Variants in ZDHHC13 observed in about 807,000 individuals in gnomAD.
ZDHHC13 encodes palmitoyltransferase ZDHHC13.
In ZDHHC13, 85 loss-of-function variants were observed where a neutral mutation model predicts 86.0. The observed-to-expected ratio is 0.99, with a 90% CI of 0.83 to 1.18. The LOEUF (loss-of-function observed/expected upper bound fraction) is 1.18, where lower values mean the gene tolerates loss of function less well. ZDHHC13 is among the 50% of genes most tolerant of loss of function. ZDHHC13 has a pLI of 0.00. For synonymous variants in ZDHHC13, 263 were observed against 246.4 expected, an observed-to-expected ratio of 1.07 and a Z score of -0.63; for missense variants, 711 against 730.2, an observed-to-expected ratio of 0.97 and a Z score of 0.30.
In ZDHHC13 at chr11:19,149,242, C is replaced by T. The variant is rs200572666; in HGVS notation, c.430C>T (p.Leu144Phe). The change falls in exon 5 of 17, where the codon CTT becomes TTT. Residue 144 changes from leucine to phenylalanine, a missense_variant. Leu to Phe is a conservative substitution (Grantham distance 22, BLOSUM62 0). Coordinates refer to ENST00000446113, the MANE Select transcript of ZDHHC13 (RefSeq NM_019028.3). ...ACTCCAGCATGGTGCAGACCCCACT[C>T]TTATTGATGGAGAGGGATTCAGCAG... The part of the protein sequence containing the change: ...LLLQHGADPT[L>F]IDGEGFSSIH... The T allele has an allele frequency of 1.2e-6, 2 of 1,605,966 alleles. No individual in the cohort carries two copies. Among genetic ancestry groups the T allele is most frequent in the African/African-American group, 2.7e-5 (2 of 74,840 alleles).
chr11:19,130,423 G>A (rs976116008), intron 1 of ZDHHC13, among the ~76,000 whole-genome samples: 4 of 151,852 alleles, frequency 2.6e-5, no homozygotes, highest in African/African-American at 7.2e-5. Context: ...CCTGATATTC[G>A]TCATTGATAC....
chr11:19,121,496 T>C (rs1359025621), intron 1 of ZDHHC13, among the ~76,000 whole-genome samples: 1 of 152,222 alleles, frequency 6.6e-6, no homozygotes, highest in Non-Finnish European at 1.5e-5. Context: ...ATGAATGTAT[T>C]ATGGAAGGAA....
intron 1 of ZDHHC13, among the ~76,000 whole-genome samples, chr11:19,132,366 T>C (rs1849020350): frequency 6.6e-6 from 1 of 152,218 alleles, no homozygotes; most frequent in Admixed American, 6.5e-5. Flanking sequence ...CTCCACTGAA[T>C]AACCCAAGGG....
intron 1 of ZDHHC13, among the ~76,000 whole-genome samples, chr11:19,120,390 G>A (rs1185503410): frequency 1.3e-5 from 2 of 152,194 alleles, no homozygotes; most frequent in African/African-American, 4.8e-5. Context: ...ACCTACACGT[G>A]ACCTGGGCCT....
At chr11:19,144,806 T>C (rs1390344766) in intron 2 of ZDHHC13, among the ~76,000 whole-genome samples, 1 of 152,136 alleles carries the variant, frequency 6.6e-6, no homozygotes, top group East Asian at 1.9e-4. Flanking sequence ...AAAGGGTCAG[T>C]TGGGACTTCA....
chr11:19,165,422 T>G (rs1850035883), intron 13 of ZDHHC13, among the ~76,000 whole-genome samples: 1 of 152,200 alleles, frequency 6.6e-6, no homozygotes, highest in South Asian at 2.1e-4. Flanking sequence ...ACACTTAACT[T>G]ACAGTGACAC....
chr11:19,169,891 G>T, intron 14 of ZDHHC13: 2 of 985,770 alleles, frequency 2.0e-6, no homozygotes, highest in Non-Finnish European at 2.4e-6. Context: ...TGCAGATTTA[G>T]TTATGGTGTC....
intron 4 of ZDHHC13, among the ~76,000 whole-genome samples, 172 bp from the exon 5 acceptor site, chr11:19,149,015 C>T (rs1006702115): frequency 6.6e-6 from 1 of 152,104 alleles, no homozygotes; most frequent in Non-Finnish European, 1.5e-5. Context: ...TCTAAGTTTG[C>T]AGCATCTAAG....
At chr11:19,168,425 A>G (rs1850132365) in intron 14 of ZDHHC13, 1 of 152,166 alleles carries the variant, frequency 6.6e-6, no homozygotes, top group South Asian at 2.1e-4. Flanking sequence ...AGTCTTTCCA[A>G]GTTAGTTTTT....
intron 11 of ZDHHC13, among the ~76,000 whole-genome samples, chr11:19,163,760 C>T (rs1328963998): frequency 6.6e-6 from 1 of 152,116 alleles, no homozygotes. Context: ...AGTAACTAGT[C>T]AGTGACCAGG....
intron 1 of ZDHHC13, among the ~76,000 whole-genome samples, chr11:19,139,762 A>T (rs1362676503): frequency 7.4e-6 from 1 of 135,628 alleles, no homozygotes. Context: ...ATAACGCCGC[A>T]TATCTACAAC....
chr11:19,117,399 C>T lies in ZDHHC13; in HGVS notation c.27+123C>T. On this transcript the variant is annotated intron_variant, in intron 1 of 16. Coordinates refer to ENST00000446113, the MANE Select transcript of ZDHHC13 (RefSeq NM_019028.3). This position sits in a 1 kb window ranked among gnomAD's most constrained non-coding sequence, Gnocchi z 4.2. ...GTTTCGGGAGCGGCGGGGCCTAGGT[C>T]TGGGAAGCGGGAGCCTGGAAACACC... is the stretch of plus-strand genomic sequence containing the variant. The T allele has an allele frequency of 1.9e-6, 2 of 1,043,996 alleles. No individual in the cohort carries two copies. Among genetic ancestry groups the T allele is most frequent in the Non-Finnish European group, 2.6e-6 (2 of 766,950 alleles). The allele number at this position is 1,043,996 out of a possible 1,614,324, so 64.7% of individuals were successfully genotyped here.
intron 8 of ZDHHC13, among the ~76,000 whole-genome samples, chr11:19,153,410 A>G (rs1849665511): frequency 6.6e-6 from 1 of 152,244 alleles, no homozygotes; most frequent in South Asian, 2.1e-4. Context: ...TGATACCATC[A>G]TCTTATTAAT....
chr11:19,133,368 T>TATATATATATATATATAC (rs1262333450), intron 1 of ZDHHC13, among the ~76,000 whole-genome samples: 6 of 137,726 alleles, frequency 4.4e-5, no homozygotes, highest in African/African-American at 1.6e-4. Context: ...TATATATATA[T>TATATATATATATATATAC]ACCCACACAC....
In ZDHHC13 at chr11:19,143,133, C is replaced by T. The variant is rs1321392949; in HGVS notation, c.173+10C>T. On this transcript the variant is annotated intron_variant, in intron 2 of 16. Transcript: ENST00000446113. ...TTGTCAAAGCTACTCAGTAAGTCTT[C>T]CAAATGCTTTGGTTTATCCTTATGT... 3.1e-6 allele frequency: 5 copies of T among 1,607,550 alleles called. No individual in the cohort carries two copies. In the Admixed American group the frequency reaches 8.4e-5, roughly 27 times the overall value.
chr11:19,152,507 C>G (rs1849640170), intron 7 of ZDHHC13, 52 bp from the exon 8 acceptor site: 5 of 1,509,840 alleles, frequency 3.3e-6, no homozygotes, highest in Non-Finnish European at 4.4e-6. Flanking sequence ...AAGTTTAGCA[C>G]TCATAATATA....
At chr11:19,172,493 T>C (rs149557066) in intron 15 of ZDHHC13, among the ~76,000 whole-genome samples, 25 of 152,370 alleles carry the variant, frequency 1.6e-4, no homozygotes, top group African/African-American at 5.8e-4. Flanking sequence ...TGAGTAGTTA[T>C]GGTTTTTAAT....
At chr11:19,141,796 A>G (rs1189037943) in intron 1 of ZDHHC13, among the ~76,000 whole-genome samples, 1 of 151,916 alleles carries the variant, frequency 6.6e-6, no homozygotes, top group Non-Finnish European at 1.5e-5. Context: ...TAATTGTTTA[A>G]AGAAAAATTT....
At chr11:19,160,390 T>C (rs532745955) in intron 10 of ZDHHC13, among the ~76,000 whole-genome samples, 2 of 151,968 alleles carry the variant, frequency 1.3e-5, no homozygotes, top group African/African-American at 4.8e-5. Context: ...ATTATTATTA[T>C]GATAGAAAAA....
Sources: allele counts gnomAD v4.1 joint callset (sites outside exome capture counted in the v4.1 genomes callset), GRCh38; gene constraint gnomAD v4.1.1; non-coding constraint Gnocchi (gnomAD v3.1); transcripts MANE v1.5; gene names NCBI Gene and HGNC (gene_info 2026-07-23, HGNC 2026-07-21).